The following CALN1 variants were observed in gnomAD, a reference collection of about 807,000 sequenced individuals.
CALN1 encodes calneuron 1.
In CALN1, 17 loss-of-function variants were observed where a neutral mutation model predicts 30.6. That is an observed-to-expected ratio of 0.56 (90% CI 0.38 to 0.83). CALN1 has a LOEUF of 0.83. Among genes scored for constraint, CALN1 ranks in the 40% least tolerant of loss-of-function variants. The pLI is 0.00. For synonymous variants in CALN1, 156 were observed against 131.4 expected, an observed-to-expected ratio of 1.19 and a Z score of -1.28; for missense variants, 291 against 354.9, an observed-to-expected ratio of 0.82 and a Z score of 1.45.
At chr7:71,952,239 T>G (rs1796728749) in intron 5 of CALN1, among the ~76,000 whole-genome samples, 1 of 152,210 alleles carries the variant, frequency 6.6e-6, no homozygotes, top group Non-Finnish European at 1.5e-5. Context: ...TCTTCCTAAA[T>G]CATGAAACTT....
At chr7:71,864,778 G>T (rs1268930469) in intron 5 of CALN1, among the ~76,000 whole-genome samples, 1 of 152,198 alleles carries the variant, frequency 6.6e-6, no homozygotes, top group East Asian at 1.9e-4. Flanking sequence ...AAGGCAGGAG[G>T]ATCACTTGAG....
rs141141676 is a variant in CALN1, at chr7:72,339,556, G to A, written c.120-60746C>T. The stretch of plus-strand genomic sequence containing the variant: ...AATTTTAGCTTAAAACAATAGCCAA[G>A]GAAGTTAAGAGTCAGGAAATGTTTT... On this transcript the variant is annotated intron_variant, in intron 2 of 6. Coordinates refer to ENST00000395275, the MANE Select transcript of CALN1 (RefSeq NM_031468.4). Among the ~76,000 whole-genome samples the A allele has an allele frequency of 4.4e-4, 67 of 152,310 alleles. No homozygotes were observed. In the East Asian group the frequency reaches 0.012, roughly 27 times the overall value.
intron 4 of CALN1, among the ~76,000 whole-genome samples, chr7:72,072,777 A>G (rs1343502713): frequency 2.0e-5 from 3 of 152,222 alleles, no homozygotes; most frequent in Non-Finnish European, 4.4e-5. Context: ...GTGGGGATGA[A>G]GTTATAAAGC....
chr7:72,063,458 C>T (rs1483734724), intron 4 of CALN1, among the ~76,000 whole-genome samples: 1 of 152,136 alleles, frequency 6.6e-6, no homozygotes, highest in Non-Finnish European at 1.5e-5. Flanking sequence ...TATATAGCAG[C>T]CATCCTGTAT....
At chr7:72,013,552 T>G (rs1193115152) in intron 5 of CALN1, among the ~76,000 whole-genome samples, 2 of 152,166 alleles carry the variant, frequency 1.3e-5, no homozygotes, top group East Asian at 3.8e-4. Flanking sequence ...ATGCCCAGAC[T>G]AATTTGAGAT....
chr7:72,131,805 C>T (rs1026871717), intron 3 of CALN1, among the ~76,000 whole-genome samples: 11 of 152,162 alleles, frequency 7.2e-5, no homozygotes, highest in African/African-American at 1.4e-4. Flanking sequence ...CAACTAGTTA[C>T]GTTGCCTGGA....
intron 3 of CALN1, among the ~76,000 whole-genome samples, chr7:72,205,561 T>TAC (rs1791791407): frequency 1.7e-4 from 13 of 77,044 alleles, no homozygotes; most frequent in African/African-American, 8.9e-4. Context: ...AATATATATA[T>TAC]ATATATGTAT....
the CALN1 span, among the ~76,000 whole-genome samples, chr7:72,458,153 T>TTATATATATATTTAATATATTTA: frequency 1.5e-5 from 2 of 133,900 alleles, no homozygotes; most frequent in Admixed American, 1.8e-4. Context: ...TTTAATATAT[T>TTATATATATATTTAATATATTTA]TATATATATA....
At chr7:72,061,387 G>C (rs191560726) in intron 4 of CALN1, among the ~76,000 whole-genome samples, 3 of 152,166 alleles carry the variant, frequency 2.0e-5, no homozygotes, top group Non-Finnish European at 4.4e-5. Context: ...TTATTTCTTT[G>C]TTGAGAGGTT....
chr7:72,140,019 T>C (rs1809782028), intron 3 of CALN1, among the ~76,000 whole-genome samples: 1 of 151,998 alleles, frequency 6.6e-6, no homozygotes, highest in Admixed American at 6.6e-5. Flanking sequence ...TCCTGTAATC[T>C]CAGCAATTCG....
chr7:72,318,434 T>C (rs753062934), intron 2 of CALN1, among the ~76,000 whole-genome samples: 1 of 152,186 alleles, frequency 6.6e-6, no homozygotes, highest in Non-Finnish European at 1.5e-5. Flanking sequence ...AAGAACCACC[T>C]TGCAAACAGA....
chr7:72,197,121 T>C (rs1791072305), intron 3 of CALN1, among the ~76,000 whole-genome samples: 1 of 152,012 alleles, frequency 6.6e-6, no homozygotes, highest in South Asian at 2.1e-4. Context: ...TTGCTTAATT[T>C]GTTTTCCTAT....
chr7:72,300,719 C>T (rs1436476734), intron 2 of CALN1, among the ~76,000 whole-genome samples: 2 of 152,084 alleles, frequency 1.3e-5, no homozygotes, highest in Non-Finnish European at 2.9e-5. Flanking sequence ...TAGCCAGTCA[C>T]GGTGGCTAAT....
At chr7:72,034,795 C>CA (rs57756121) in intron 4 of CALN1, among the ~76,000 whole-genome samples, 24,408 of 51,748 alleles carry the variant, frequency 0.47, 6,009 homozygotes, top group Non-Finnish European at 0.52. Context: ...GACTCTGTCT[C>CA]AAAAAAAAAA....
At chr7:71,967,752 T>C (rs887200293) in intron 5 of CALN1, among the ~76,000 whole-genome samples, 19 of 151,958 alleles carry the variant, frequency 1.3e-4, no homozygotes, top group African/African-American at 4.3e-4. Flanking sequence ...AGGGGAAGAT[T>C]TGAGCATACA....
chr7:71,910,338 T>G (rs1269070814), intron 5 of CALN1, among the ~76,000 whole-genome samples: 1 of 152,186 alleles, frequency 6.6e-6, no homozygotes, highest in East Asian at 1.9e-4. Context: ...TGCCCAAGTT[T>G]CATTAGCCAA....
intron 2 of CALN1, among the ~76,000 whole-genome samples, chr7:72,341,304 C>T (rs1802371377): frequency 6.6e-6 from 1 of 152,200 alleles, no homozygotes; most frequent in African/African-American, 2.4e-5. Flanking sequence ...GGGTGGATCA[C>T]TTGAGGTCAG....
chr7:71,810,240 GC>G, intron 6 of CALN1, 95 bp downstream of exon 6: 1 of 1,371,026 alleles, frequency 7.3e-7, no homozygotes, highest in Non-Finnish European at 1.0e-6. Flanking sequence ...GGGAACATCA[GC>G]CCAAGAGCCT....
At chr7:71,947,131 C>T (rs1562927134) in intron 5 of CALN1, among the ~76,000 whole-genome samples, 1 of 152,104 alleles carries the variant, frequency 6.6e-6, no homozygotes, top group Non-Finnish European at 1.5e-5. Context: ...GTGCCACAGC[C>T]TCCCGAGTAG....
Sources: allele counts gnomAD v4.1 joint callset (sites outside exome capture counted in the v4.1 genomes callset), GRCh38; gene constraint gnomAD v4.1.1; transcripts MANE v1.5; gene names NCBI Gene and HGNC (gene_info 2026-07-23, HGNC 2026-07-21).